Variants in SESN1 observed in about 807,000 individuals in gnomAD.
The protein encoded by SESN1 is sestrin-1.
Under a neutral mutation model 59.3 loss-of-function variants are expected in SESN1, and 30 were observed. The observed-to-expected ratio is 0.51, with a 90% CI of 0.38 to 0.69. The LOEUF is 0.69. Among genes scored for constraint, SESN1 ranks in the 30% least tolerant of loss-of-function variants. The pLI, the probability that SESN1 is intolerant of heterozygous loss-of-function variation, is 0.00. For missense variants in SESN1, 566 were observed against 673.0 expected (o/e 0.84, Z 1.76); for synonymous variants, 197 against 219.9 (o/e 0.90, Z 0.92).
At chr6:108,989,568 T>TAG (rs887746997) in intron 8 of SESN1, among the ~76,000 whole-genome samples, 1 of 105,054 alleles carries the variant, frequency 9.5e-6, no homozygotes, top group Non-Finnish European at 2.0e-5. Flanking sequence ...TCTCTAGATC[T>TAG]AGAGATATCT....
intron 1 of SESN1, among the ~76,000 whole-genome samples, chr6:109,003,594 G>C (rs1392118459): frequency 6.6e-6 from 1 of 152,114 alleles, no homozygotes; most frequent in South Asian, 2.1e-4. Context: ...TTATACTGGA[G>C]GTTGGTGACT....
At chr6:109,016,931 G>T (rs1300803367) in intron 1 of SESN1, among the ~76,000 whole-genome samples, 1 of 151,964 alleles carries the variant, frequency 6.6e-6, no homozygotes, top group East Asian at 1.9e-4. Context: ...GATATAAATT[G>T]GAGAGGGTAA....
intron 1 of SESN1, among the ~76,000 whole-genome samples, chr6:109,042,307 A>T (rs1034660100): frequency 9.9e-5 from 15 of 151,996 alleles, no homozygotes; most frequent in Non-Finnish European, 1.0e-4. Context: ...GGGAAAGAAG[A>T]GCAGTATAAA....
chr6:109,092,386 A>T (rs1393671187), intron 1 of SESN1, among the ~76,000 whole-genome samples: 1 of 152,216 alleles, frequency 6.6e-6, no homozygotes, highest in Non-Finnish European at 1.5e-5. Flanking sequence ...TTATCATTAT[A>T]TTGAAATCCT....
intron 1 of SESN1, among the ~76,000 whole-genome samples, chr6:109,028,221 T>C (rs972566397): frequency 6.6e-6 from 1 of 152,254 alleles, no homozygotes; most frequent in African/African-American, 2.4e-5. Context: ...TTTATGATAT[T>C]TGAAAATAAA....
chr6:109,009,734 GC>G (rs1779822690), intron 1 of SESN1, among the ~76,000 whole-genome samples: 1 of 152,102 alleles, frequency 6.6e-6, no homozygotes. Context: ...CACCTTGGGG[GC>G]CCAGGTTCCC....
chr6:109,009,688 TGGG>T (rs1779820848), intron 1 of SESN1: 1 of 424,616 alleles, frequency 2.4e-6, no homozygotes, highest in African/African-American at 2.1e-5. Flanking sequence ...GCGCGGAGGC[TGGG>T]AACTGGCGGT....
chr6:109,020,760 C>T (rs1232494440), intron 1 of SESN1, among the ~76,000 whole-genome samples: 1 of 152,152 alleles, frequency 6.6e-6, no homozygotes, highest in Non-Finnish European at 1.5e-5. Flanking sequence ...AATATAGACA[C>T]AAAAACACTG....
chr6:109,045,514 T>G (rs1780414408), intron 1 of SESN1, among the ~76,000 whole-genome samples: 1 of 152,232 alleles, frequency 6.6e-6, no homozygotes, highest in African/African-American at 2.4e-5. Flanking sequence ...TGAGTTCAAC[T>G]TACTTACAGT....
rs1373032791 is a variant in SESN1, at chr6:109,027,882, AGTATC to A, written c.280-25544_280-25540del. Among the ~76,000 whole-genome samples the A allele has an allele frequency of 3.4e-4, 51 of 152,152 alleles. 1 individual carries two copies. Among genetic ancestry groups the A allele is most frequent in the African/African-American group, 1.2e-3 (49 of 41,438 alleles). On this transcript the variant is annotated intron_variant, in intron 1 of 9. Coordinates refer to ENST00000436639, the MANE Select transcript of SESN1 (RefSeq NM_014454.3). ...TAAATACATATATATATATTTGTGA[AGTATC>A]AGTTCAAACCTTTTGTCCATTTTTT...
intron 7 of SESN1, among the ~76,000 whole-genome samples, chr6:108,992,178 AG>A (rs571182270): frequency 5.7e-4 from 87 of 152,346 alleles, no homozygotes; most frequent in Admixed American, 1.7e-3. Flanking sequence ...AACTCACCGC[AG>A]CCTCAACCTT....
chr6:109,008,940 G>A (rs1324619814), intron 1 of SESN1: 2 of 991,596 alleles, frequency 2.0e-6, no homozygotes, highest in East Asian at 2.2e-4. Context: ...TAAATAATCT[G>A]TTTTCACAAG....
intron 1 of SESN1, among the ~76,000 whole-genome samples, chr6:109,066,762 A>G (rs1365643664): frequency 6.6e-6 from 1 of 152,214 alleles, no homozygotes; most frequent in Non-Finnish European, 1.5e-5. Context: ...TGACCATCCC[A>G]AAAAGAAACA....
At position 108,998,764 on chromosome 6, in the gene SESN1, G is replaced by GA. The variant is rs374844739; in HGVS notation, c.730-10dup. On this transcript the variant is annotated splice_polypyrimidine_tract_variant and intron_variant, in intron 4 of 9. Transcript: ENST00000436639. ...TCAGCTTTTAAAAGTCCCTTAGGGG[G>GA]AAAAAAAAAAAGAATATATTTTTGT... 0.025 allele frequency: 25,399 copies of GA among 1,009,878 alleles called. 2 individuals carry two copies. Among genetic ancestry groups the GA allele is most frequent in the South Asian group, 0.034 (1,824 of 52,980 alleles). 62.6% of individuals were successfully genotyped at this position (1,009,878 alleles called of 1,614,324 possible).
At chr6:109,000,788 C>T in intron 3 of SESN1, 115 bp from the exon 4 acceptor site, 1 of 838,438 alleles carries the variant, frequency 1.2e-6, no homozygotes. Context: ...TTCAAATTTT[C>T]CGTAAACTAC....
chr6:109,079,270 A>G (rs1320923363), intron 1 of SESN1, among the ~76,000 whole-genome samples: 1 of 152,072 alleles, frequency 6.6e-6, no homozygotes, highest in African/African-American at 2.4e-5. Context: ...ATCATGCAAG[A>G]TACGTTTAAA....
intron 8 of SESN1, 83 bp downstream of exon 8, chr6:108,990,562 T>C: frequency 8.3e-7 from 1 of 1,208,686 alleles, no homozygotes; most frequent in South Asian, 1.2e-5. Flanking sequence ...TATGTGTGTG[T>C]CTATGTGCAT....
At position 109,016,635 on chromosome 6, in the gene SESN1, T is replaced by C. The variant is rs867260057; in HGVS notation, c.280-14292A>G. 7.9e-5 allele frequency among the ~76,000 whole-genome samples: 12 copies of C among 152,156 alleles called. No individual in the cohort carries two copies. In the South Asian group the frequency reaches 2.3e-3, roughly 29 times the overall value. ...CAAATTCTCACTCTGTGGGCCATTT[T>C]CCCCTTTACCCAAAGGGTATAGATA... On this transcript the variant is annotated intron_variant, in intron 1 of 9. Coordinates refer to ENST00000436639, the MANE Select transcript of SESN1 (RefSeq NM_014454.3).
chr6:109,048,379 C>T lies in SESN1; in HGVS notation c.279+45416G>A, dbSNP rs148118254. Among the ~76,000 whole-genome samples, 607 of 152,252 alleles carry T rather than the reference C, an allele frequency of 4.0e-3. 3 individuals carry two copies. The highest frequency in any genetic ancestry group is 5.4e-3 in the Non-Finnish European group (370 of 68,022). On this transcript the variant is annotated intron_variant, in intron 1 of 9. Transcript: ENST00000436639. ...TGAGATCTGCACCACAGTATTGCAC[C>T]GTGGGTTTAGTTAACAAAAGTAGTG... is the stretch of plus-strand genomic sequence containing the variant.
Sources: gnomAD v4.1 joint callset for allele counts (sites outside exome capture counted in the v4.1 genomes callset) on GRCh38, gnomAD v4.1.1 for gene constraint, MANE v1.5 for transcripts, NCBI Gene and HGNC (gene_info 2026-07-23, HGNC 2026-07-21) for gene names.